Variants in SELENOT observed in about 807,000 individuals in gnomAD.
The protein encoded by SELENOT is thioredoxin reductase-like selenoprotein T.
SELENOT carries 9 observed loss-of-function variants against 24.3 expected under a neutral mutation model. The ratio of observed to expected loss-of-function variants is 0.37; its 90% CI spans 0.22 to 0.65. SELENOT has a LOEUF of 0.65. Ranked by LOEUF, SELENOT falls within the 30% of genes least tolerant of loss-of-function variation. The pLI, the probability that SELENOT is intolerant of heterozygous loss-of-function variation, is 0.60. For synonymous variants in SELENOT, 81 were observed against 86.0 expected (o/e 0.94, Z 0.32); for missense variants, 166 against 247.6 (o/e 0.67, Z 2.21).
chr3:150,607,736 A>C (rs1020378799), intron 1 of SELENOT, among the ~76,000 whole-genome samples: 10 of 152,208 alleles, frequency 6.6e-5, no homozygotes, highest in Non-Finnish European at 1.5e-4. Context: ...TGGGAATAAC[A>C]TGTTCAGTGT....
At chr3:150,621,960 C>T (rs1257723217) in intron 1 of SELENOT, among the ~76,000 whole-genome samples, 1 of 151,840 alleles carries the variant, frequency 6.6e-6, no homozygotes, top group Non-Finnish European at 1.5e-5. Context: ...GTCTGTAGTT[C>T]AGATGAATAA....
intron 4 of SELENOT, among the ~76,000 whole-genome samples, chr3:150,625,502 A>G (rs779996375): frequency 1.3e-5 from 2 of 152,076 alleles, no homozygotes; most frequent in Non-Finnish European, 2.9e-5. Flanking sequence ...AATTTCAAAA[A>G]TCTACCTTCT....
chr3:150,612,339 C>G (rs1246387392), intron 1 of SELENOT, among the ~76,000 whole-genome samples: 1 of 152,130 alleles, frequency 6.6e-6, no homozygotes, highest in Non-Finnish European at 1.5e-5. Flanking sequence ...GTGATTGGCC[C>G]TCCTCGGCCT....
intron 4 of SELENOT, among the ~76,000 whole-genome samples, chr3:150,625,109 C>T (rs1223199021): frequency 6.6e-6 from 1 of 150,872 alleles, no homozygotes; most frequent in African/African-American, 2.4e-5. Context: ...ATCTCTTTAT[C>T]TCTGCTTGAA....
chr3:150,614,008 TA>T (rs978997424), intron 1 of SELENOT, among the ~76,000 whole-genome samples: 4 of 152,018 alleles, frequency 2.6e-5, no homozygotes, highest in Non-Finnish European at 5.9e-5. Flanking sequence ...ATTTTAGGTT[TA>T]TTTTTTTTTT....
chr3:150,604,629 A>G (rs1353956988), intron 1 of SELENOT, among the ~76,000 whole-genome samples: 1 of 152,208 alleles, frequency 6.6e-6, no homozygotes, highest in Non-Finnish European at 1.5e-5. Flanking sequence ...AGACCAAGCA[A>G]ACCTTTAAAA....
rs997778924 is a variant in SELENOT, at chr3:150,627,889, ATGTG to A, written c.*270_*273del. The A allele has an allele frequency of 6.6e-6, 1 of 152,028 alleles. No individual in the cohort carries two copies. The highest frequency in any genetic ancestry group is 2.4e-5 in the African/African-American group (1 of 41,386). 9.4% of individuals were successfully genotyped at this position (152,028 alleles called of 1,614,324 possible). ...CACCTCCCACAAAATCACCCAGTTA[ATGTG>A]TGTGTGTGTTTTTTTTTTAAGGTAA... On this transcript the variant is annotated 3_prime_UTR_variant, in exon 6 of 6. Coordinates refer to ENST00000471696, the MANE Select transcript of SELENOT (RefSeq NM_016275.5).
chr3:150,610,973 G>T (rs956574456), intron 1 of SELENOT, among the ~76,000 whole-genome samples: 5 of 151,052 alleles, frequency 3.3e-5, no homozygotes, highest in Non-Finnish European at 2.9e-5. Context: ...TGTATTTAAT[G>T]GTCTTGCCAC....
In SELENOT at chr3:150,603,460, T is replaced by G; in HGVS notation, c.98T>G (p.Met33Arg). Reference sequence around the variant, plus strand: ...GGCGTGCCCAGCAAGAGATTAAAGATGCAGTACGCCACGGGGCCGCTGCTC... The same window carrying G: ...GGCGTGCCCAGCAAGAGATTAAAGAGGCAGTACGCCACGGGGCCGCTGCTC... ...LGGVPSKRLK[M>R]QYATGPLLKF... The change falls in exon 1 of 6, where the codon ATG becomes AGG. Residue 33 changes from methionine to arginine, a missense_variant. By Grantham distance (91) the Met-to-Arg change is moderately conservative. Transcript: ENST00000471696. 6.2e-7 allele frequency: 1 copy of G among 1,611,798 alleles called. No individual in the cohort carries two copies. Among genetic ancestry groups the G allele is most frequent in the Non-Finnish European group, 8.5e-7 (1 of 1,178,458 alleles).
intron 1 of SELENOT, among the ~76,000 whole-genome samples, chr3:150,607,430 A>G (rs1725990607): frequency 1.3e-5 from 2 of 152,254 alleles, no homozygotes; most frequent in South Asian, 4.1e-4. Context: ...GTTACTGTAG[A>G]CTTGATATTT....
At position 150,606,856 on chromosome 3, in the gene SELENOT, A is replaced by T. The variant is rs527344798; in HGVS notation, c.137+3357A>T. Among the ~76,000 whole-genome samples, 4 of 152,332 alleles carry T rather than the reference A, an allele frequency of 2.6e-5. No individual in the cohort carries two copies. In the East Asian group the frequency reaches 7.7e-4, roughly 29 times the overall value. On this transcript the variant is annotated intron_variant, in intron 1 of 5. Coordinates refer to ENST00000471696, the MANE Select transcript of SELENOT (RefSeq NM_016275.5). The stretch of plus-strand genomic sequence containing the variant: ...TGACCTACCCACCTTGGCGTCCCAA[A>T]GTGCTAGGATTACAGGTTTGAGCCA...
At chr3:150,611,732 C>T (rs1328475696) in intron 1 of SELENOT, 5 of 1,526,726 alleles carry the variant, frequency 3.3e-6, no homozygotes, top group Non-Finnish European at 4.5e-6. Context: ...TTGCCAGGAG[C>T]CCGGCCTGGC....
chr3:150,619,507 G>C (rs1010725583), intron 1 of SELENOT, among the ~76,000 whole-genome samples: 1 of 152,266 alleles, frequency 6.6e-6, no homozygotes, highest in African/African-American at 2.4e-5. Flanking sequence ...CTGCACGCTA[G>C]CCTGGGCAAC....
chr3:150,617,286 T>A (rs2108010631), intron 1 of SELENOT, among the ~76,000 whole-genome samples: 1 of 152,274 alleles, frequency 6.6e-6, no homozygotes, highest in African/African-American at 2.4e-5. Flanking sequence ...ATGATGGAAA[T>A]GCTAAAAAAA....
At chr3:150,608,824 T>C (rs1285549476) in intron 1 of SELENOT, among the ~76,000 whole-genome samples, 1 of 152,212 alleles carries the variant, frequency 6.6e-6, no homozygotes, top group African/African-American at 2.4e-5. Context: ...CTTTTAGATA[T>C]AGGTAAACAT....
At chr3:150,621,934 T>C (rs1726354087) in intron 1 of SELENOT, among the ~76,000 whole-genome samples, 1 of 152,112 alleles carries the variant, frequency 6.6e-6, no homozygotes, top group Non-Finnish European at 1.5e-5. Flanking sequence ...TGAAGTCTTG[T>C]GTCCCAAATT....
At chr3:150,624,055 G>GT (rs3836401) in intron 3 of SELENOT, among the ~76,000 whole-genome samples, 20,619 of 151,954 alleles carry the variant, frequency 0.14, 1,479 homozygotes, top group Non-Finnish European at 0.17. Context: ...TCTTCAAGTG[G>GT]TATCTCTAAT....
intron 1 of SELENOT, among the ~76,000 whole-genome samples, chr3:150,611,004 C>CGTGTGTGT (rs113532087): frequency 0.069 from 10,062 of 145,374 alleles, 371 homozygotes; most frequent in Admixed American, 0.085. Context: ...CATCATGAGT[C>CGTGTGTGT]GTGTGTGTGT....
At position 150,627,175 on chromosome 3, in the gene SELENOT, A is replaced by G. The variant is rs1726464709; in HGVS notation, c.*29+12A>G. The G allele has an allele frequency of 5.0e-6, 8 of 1,586,070 alleles. No homozygotes were observed. Among genetic ancestry groups the G allele is most frequent in the Non-Finnish European group, 6.9e-6 (8 of 1,162,774 alleles). ...CTGAAAACTCTTTTGTAAGTTGTTTAAAATATAGCTAATGTATAGGTTTCT... is the reference window on the plus strand; with the variant it reads ...CTGAAAACTCTTTTGTAAGTTGTTTGAAATATAGCTAATGTATAGGTTTCT... On this transcript the variant is annotated intron_variant, in intron 5 of 5. Transcript: ENST00000471696.
Sources: allele counts gnomAD v4.1 joint callset (sites outside exome capture counted in the v4.1 genomes callset), GRCh38; gene constraint gnomAD v4.1.1; transcripts MANE v1.5; gene names NCBI Gene and HGNC (gene_info 2026-07-23, HGNC 2026-07-21).